Variants in TSNARE1 observed in about 807,000 individuals in gnomAD.
TSNARE1 encodes t-SNARE domain-containing protein 1.
A neutral mutation model predicts 62.0 loss-of-function variants in TSNARE1; 49 were observed. The ratio of observed to expected loss-of-function variants is 0.79; its 90% CI spans 0.63 to 1.00. The LOEUF is 1.00. Ranked by LOEUF, TSNARE1 falls within the 50% of genes least tolerant of loss-of-function variation. The pLI is 0.00. For missense variants in TSNARE1, 755 were observed against 700.1 expected, an observed-to-expected ratio of 1.08 and a Z score of -0.88; for synonymous variants, 328 against 294.4, an observed-to-expected ratio of 1.11 and a Z score of -1.17.
chr8:142,220,123 G>A (rs1023654717), intron 13 of TSNARE1, among the ~76,000 whole-genome samples: 1 of 152,222 alleles, frequency 6.6e-6, no homozygotes, highest in Non-Finnish European at 1.5e-5. Context: ...AACGCAGCCC[G>A]CAAGAGTAGT....
chr8:142,282,719 CGG>C (rs1821807678), intron 11 of TSNARE1, among the ~76,000 whole-genome samples: 1 of 147,188 alleles, frequency 6.8e-6, no homozygotes, highest in Non-Finnish European at 1.5e-5. Flanking sequence ...TGTCAATGAG[CGG>C]AGGGGAGGCC....
chr8:142,226,688 AT>A (rs1294472047), intron 13 of TSNARE1, among the ~76,000 whole-genome samples: 1 of 152,126 alleles, frequency 6.6e-6, no homozygotes, highest in African/African-American at 2.4e-5. Context: ...CCCAGGCTTA[AT>A]AGAGGCAGAA....
At chr8:142,252,692 A>C (rs966523634) in intron 12 of TSNARE1, among the ~76,000 whole-genome samples, 1 of 152,220 alleles carries the variant, frequency 6.6e-6, no homozygotes, top group African/African-American at 2.4e-5. Flanking sequence ...AAGTGCCAAT[A>C]GCACTGCGAG....
chr8:142,283,404 C>CT (rs1192435751), intron 11 of TSNARE1, among the ~76,000 whole-genome samples: 1 of 150,914 alleles, frequency 6.6e-6, no homozygotes, highest in Admixed American at 6.6e-5. Flanking sequence ...GGGTTAGTGT[C>CT]TATCAATGAG....
intron 1 of TSNARE1, among the ~76,000 whole-genome samples, chr8:142,376,183 G>A (rs955513782): frequency 2.0e-5 from 3 of 152,146 alleles, no homozygotes; most frequent in Admixed American, 6.5e-5. Context: ...TTTGCACCCC[G>A]CAGGGCTACT....
At chr8:142,339,753 T>A (rs1832275042) in intron 4 of TSNARE1, among the ~76,000 whole-genome samples, 1 of 152,194 alleles carries the variant, frequency 6.6e-6, no homozygotes, top group South Asian at 2.1e-4. Flanking sequence ...GAAAGGCAGG[T>A]GGCAGATGGA....
chr8:142,343,562 G>A (rs901774201), intron 4 of TSNARE1, among the ~76,000 whole-genome samples: 4 of 151,694 alleles, frequency 2.6e-5, no homozygotes, highest in African/African-American at 9.7e-5. Flanking sequence ...GCTCAGCTCC[G>A]CTCTAGGACG....
At chr8:142,344,780 G>A (rs545888719) in intron 3 of TSNARE1, among the ~76,000 whole-genome samples, 1 of 152,358 alleles carries the variant, frequency 6.6e-6, no homozygotes, top group South Asian at 2.1e-4. Flanking sequence ...AGCCGAGCAG[G>A]CTAGGTTGCG....
intron 13 of TSNARE1, among the ~76,000 whole-genome samples, chr8:142,224,265 A>G (rs1221831288): frequency 6.6e-6 from 1 of 152,220 alleles, no homozygotes; most frequent in Non-Finnish European, 1.5e-5. Context: ...GAATGGCTCC[A>G]TCGAGTGCGG....
At chr8:142,222,739 CTCACTCACTCAT>C (rs1816436821) in intron 13 of TSNARE1, among the ~76,000 whole-genome samples, 1 of 120,272 alleles carries the variant, frequency 8.3e-6, no homozygotes, top group African/African-American at 3.8e-5. Context: ...CATCCACTCA[CTCACTCACTCAT>C]CCACTCACTC....
intron 1 of TSNARE1, among the ~76,000 whole-genome samples, chr8:142,367,754 G>A (rs1835659806): frequency 6.6e-6 from 1 of 152,194 alleles, no homozygotes; most frequent in East Asian, 1.9e-4. Flanking sequence ...AATATAAATA[G>A]ACCAATGGAA....
At chr8:142,290,676 C>G (rs1332096542) in intron 10 of TSNARE1, among the ~76,000 whole-genome samples, 1 of 152,362 alleles carries the variant, frequency 6.6e-6, no homozygotes, top group Admixed American at 6.5e-5. Context: ...TGTCCACTCG[C>G]CCATTTATAG....
chr8:142,332,616 T>C (rs975315115), intron 4 of TSNARE1, among the ~76,000 whole-genome samples: 3 of 152,172 alleles, frequency 2.0e-5, no homozygotes, highest in African/African-American at 7.2e-5. Flanking sequence ...CAAGTCCTCA[T>C]GAGGACATGG....
At chr8:142,242,105 T>C in intron 12 of TSNARE1, among the ~76,000 whole-genome samples, 1 of 152,196 alleles carries the variant, frequency 6.6e-6, no homozygotes, top group Non-Finnish European at 1.5e-5. Flanking sequence ...CAACTCAAAA[T>C]GGATGGAAGA....
chr8:142,393,335 T>G (rs1587141588), intron 1 of TSNARE1, among the ~76,000 whole-genome samples: 1 of 151,564 alleles, frequency 6.6e-6, no homozygotes, highest in South Asian at 2.1e-4. Context: ...TAAGGAAGGG[T>G]TCATGGCAGA....
rs114477460 is a variant in TSNARE1, at chr8:142,233,749, C to T, written c.1447-4170G>A. 7.5e-3 allele frequency among the ~76,000 whole-genome samples: 1,144 copies of T among 152,280 alleles called. 20 individuals carry two copies. Among genetic ancestry groups the T allele is most frequent in the African/African-American group, 0.026 (1,096 of 41,570 alleles). ...GGCGGCTTGCTCCCTGCAGGGCGTA[C>T]GCAAGGGCTCTTCCCTCTGCCTGCT... On this transcript the variant is annotated intron_variant, in intron 12 of 13. Coordinates refer to ENST00000524325, the MANE Select transcript of TSNARE1 (RefSeq NM_145003.5).
intron 12 of TSNARE1, among the ~76,000 whole-genome samples, chr8:142,260,568 C>G (rs1012209515): frequency 1.3e-5 from 2 of 152,182 alleles, no homozygotes; most frequent in African/African-American, 4.8e-5. Flanking sequence ...TAGCCACCAT[C>G]TGACCCAGCC....
rs574830702 is a variant in TSNARE1 at position 142,345,888 on chromosome 8, G to A, written c.93C>T (p.Cys31=). 65 of 1,613,316 alleles carry A rather than the reference G, an allele frequency of 4.0e-5. No homozygotes were observed. The highest frequency in any genetic ancestry group is 1.2e-4 in the African/African-American group (9 of 75,002). The change falls in exon 3 of 14, where the codon TGC becomes TGT. Residue 31 remains cysteine (C), a synonymous_variant. Coordinates refer to ENST00000524325, the MANE Select transcript of TSNARE1 (RefSeq NM_145003.5). ...PSRQGCQPLE[C]ARCWTEYGIR... ...TTCCATACTCGGTCCAACATCTAGCGCACTCTACGGACAGCAAGGGACAGT... is the reference window on the plus strand; with the variant it reads ...TTCCATACTCGGTCCAACATCTAGCACACTCTACGGACAGCAAGGGACAGT...
intron 4 of TSNARE1, among the ~76,000 whole-genome samples, chr8:142,332,442 G>A (rs1229260132): frequency 6.6e-6 from 1 of 151,748 alleles, no homozygotes; most frequent in Non-Finnish European, 1.5e-5. Flanking sequence ...GTACGGGGGT[G>A]CTTTTGGGGG....
Sources: allele counts gnomAD v4.1 joint callset (sites outside exome capture counted in the v4.1 genomes callset), GRCh38; gene constraint gnomAD v4.1.1; transcripts MANE v1.5; gene names NCBI Gene and HGNC (gene_info 2026-07-23, HGNC 2026-07-21).